MAP2K2: variants seen among roughly 807,000 people sequenced by gnomAD.
MAP2K2 encodes dual specificity mitogen-activated protein kinase kinase 2.
Under a neutral mutation model 43.7 loss-of-function variants are expected in MAP2K2, and 24 were observed. The ratio of observed to expected loss-of-function variants is 0.55; its 90% confidence interval spans 0.40 to 0.77. MAP2K2 has a LOEUF of 0.77. Ranked by LOEUF, MAP2K2 falls within the 30% of genes least tolerant of loss-of-function variation. The pLI is 0.00. For missense variants in MAP2K2, 470 were observed against 566.8 expected, an observed-to-expected ratio of 0.83 and a Z score of 1.73; for synonymous variants, 244 against 239.7, an observed-to-expected ratio of 1.02 and a Z score of -0.17.
chr19:4,102,970 T>C (rs2041036570), intron 3 of MAP2K2: 2 of 1,102,372 alleles, frequency 1.8e-6, no homozygotes, highest in Non-Finnish European at 1.1e-6. Flanking sequence ...GGCGGGTCGC[T>C]GTGTGCCCGT....
rs2145077156 is a variant in MAP2K2, at chr19:4,115,562, C to G, written c.303+1857G>C. 6.6e-6 allele frequency among the ~76,000 whole-genome samples: 1 copy of G among 152,308 alleles called. No individual in the cohort carries two copies. Among genetic ancestry groups the G allele is most frequent in the African/African-American group, 2.4e-5 (1 of 41,558 alleles). ...CGGACCTGAGCTTTCCAAGGCTGCT[C>G]CGGTTTGGAAGAGGCTGCCTGCAGT... On this transcript the variant is annotated intron_variant, in intron 2 of 10. Coordinates refer to ENST00000262948, the MANE Select transcript of MAP2K2 (RefSeq NM_030662.4). The surrounding 1 kb of genome is among the most constrained non-coding windows in gnomAD (Gnocchi z 4.1).
intron 2 of MAP2K2, among the ~76,000 whole-genome samples, chr19:4,111,322 T>G (rs2041151383): frequency 6.6e-6 from 1 of 152,166 alleles, no homozygotes; most frequent in Non-Finnish European, 1.5e-5. Context: ...AAAAGACCAA[T>G]TAAGCAAACA....
At chr19:4,100,666 A>G in intron 6 of MAP2K2, 1 of 328,424 alleles carries the variant, frequency 3.0e-6, no homozygotes, top group South Asian at 3.5e-5. Flanking sequence ...AGATTAGTAA[A>G]TTAACAAATA....
intron 3 of MAP2K2, among the ~76,000 whole-genome samples, chr19:4,108,820 C>T (rs1339634620): frequency 2.0e-5 from 3 of 151,910 alleles, no homozygotes; most frequent in African/African-American, 4.8e-5. Context: ...CTGCCGGGCG[C>T]GAGGAGGAGG....
chr19:4,094,754 C>A (rs190092230), intron 9 of MAP2K2: 2 of 547,218 alleles, frequency 3.7e-6, no homozygotes, highest in Middle Eastern at 5.0e-4. Flanking sequence ...GGAAACCCCG[C>A]CTGGTGGGTC....
chr19:4,113,788 AAG>A lies in MAP2K2; in HGVS notation c.304-3135_304-3134del, dbSNP rs2041185540. On this transcript the variant is annotated intron_variant, in intron 2 of 10. Transcript: ENST00000262948. ...GGGGTTGGGGGATTCGGAGTAGGAA[AAG>A]AGAGGAAAGAGCTTCACTGAGTGTC... Among the ~76,000 whole-genome samples the A allele has an allele frequency of 2.0e-5, 3 of 152,242 alleles. No homozygotes were observed. In the South Asian group the frequency reaches 6.2e-4, roughly 32 times the overall value.
chr19:4,101,430 G>A lies in MAP2K2; in HGVS notation c.529-150C>T. On this transcript the variant is annotated intron_variant, in intron 4 of 10. Transcript: ENST00000262948. This position sits in a 1 kb window ranked among gnomAD's most constrained non-coding sequence, Gnocchi z 6.3. ...GCTGTGAGGAGCTCGCTGGGGTGGA[G>A]CAAGCGAGGCCAGAGACGAGACAGT... is the stretch of plus-strand genomic sequence containing the variant. 2.4e-6 allele frequency: 2 copies of A among 846,270 alleles called. No homozygotes were observed. The highest frequency in any genetic ancestry group is 3.3e-5 in the African/African-American group (2 of 59,822). The allele number at this position is 846,270 out of a possible 1,614,324, so 52.4% of individuals were successfully genotyped here.
At chr19:4,092,466 G>A (rs983483009) in intron 10 of MAP2K2, among the ~76,000 whole-genome samples, 11 of 152,082 alleles carry the variant, frequency 7.2e-5, no homozygotes, top group Admixed American at 6.5e-4. Context: ...GCACGAGCCT[G>A]TAATCCCAGC....
chr19:4,098,833 C>T (rs1376086739), intron 7 of MAP2K2, among the ~76,000 whole-genome samples: 2 of 152,278 alleles, frequency 1.3e-5, no homozygotes, highest in African/African-American at 4.8e-5. Flanking sequence ...GAGCGTGTCA[C>T]CTGCAGAATG....
chr19:4,108,503 C>T (rs1164173608), intron 3 of MAP2K2, among the ~76,000 whole-genome samples: 2 of 151,836 alleles, frequency 1.3e-5, no homozygotes, highest in Non-Finnish European at 2.9e-5. Flanking sequence ...TCGCCTCGGC[C>T]TCCCAAAGTG....
intron 3 of MAP2K2, among the ~76,000 whole-genome samples, chr19:4,105,170 GTGTGTGTGTGT>G (rs1179376962): frequency 6.8e-6 from 1 of 146,698 alleles, no homozygotes; most frequent in Non-Finnish European, 1.5e-5. Context: ...GTGTGTGTGT[GTGTGTGTGTGT>G]GTGTGTGTGT....
chr19:4,116,424 G>A (rs2041221631), intron 2 of MAP2K2, among the ~76,000 whole-genome samples: 1 of 152,132 alleles, frequency 6.6e-6, no homozygotes, highest in South Asian at 2.1e-4. Flanking sequence ...CAGCTACTCG[G>A]GAGGCTGAGG....
At position 4,096,435 on chromosome 19, in the gene MAP2K2, G is replaced by A. The variant is rs372362138; in HGVS notation, c.984+844C>T. Among the ~76,000 whole-genome samples the A allele has an allele frequency of 3.9e-5, 6 of 152,334 alleles. No homozygotes were observed. The East Asian group carries it at 7.7e-4, about 20-fold the overall frequency. On this transcript the variant is annotated intron_variant, in intron 8 of 10. Transcript: ENST00000262948. ...CACAGAAGGCCCAGGGAGGTGGCCC[G>A]GCCTGGTCACGTGGCCAACAGGACC... is the stretch of plus-strand genomic sequence containing the variant.
At chr19:4,108,223 C>T (rs187916149) in intron 3 of MAP2K2, among the ~76,000 whole-genome samples, 57 of 152,256 alleles carry the variant, frequency 3.7e-4, no homozygotes, top group African/African-American at 1.3e-3. Context: ...TAAAAATCAA[C>T]GTGCTCCACG....
At chr19:4,113,349 C>T (rs971954769) in intron 2 of MAP2K2, among the ~76,000 whole-genome samples, 1 of 152,102 alleles carries the variant, frequency 6.6e-6, no homozygotes, top group Non-Finnish European at 1.5e-5. Flanking sequence ...TGGGGCCTGT[C>T]GAGCGAGCAT....
intron 8 of MAP2K2, among the ~76,000 whole-genome samples, chr19:4,096,181 C>G (rs1368105894): frequency 1.3e-5 from 2 of 152,184 alleles, no homozygotes; most frequent in Non-Finnish European, 2.9e-5. Flanking sequence ...AGGGGCAGGC[C>G]TTTCCCGCGC....
At chr19:4,093,144 G>C (rs1251960726) in intron 10 of MAP2K2, among the ~76,000 whole-genome samples, 1 of 152,146 alleles carries the variant, frequency 6.6e-6, no homozygotes, top group African/African-American at 2.4e-5. Flanking sequence ...CCTGAACCTG[G>C]GAGGCGGAGG....
At chr19:4,111,989 A>G (rs2041159945) in intron 2 of MAP2K2, among the ~76,000 whole-genome samples, 1 of 151,262 alleles carries the variant, frequency 6.6e-6, no homozygotes, top group African/African-American at 2.5e-5. Flanking sequence ...AACAACAACA[A>G]CAACAACAAA....
At chr19:4,116,753 C>A (rs1206756945) in intron 2 of MAP2K2, among the ~76,000 whole-genome samples, 1 of 151,746 alleles carries the variant, frequency 6.6e-6, no homozygotes, top group African/African-American at 2.4e-5. Flanking sequence ...CATGGCGAAA[C>A]CCTGCCTCTA....
Sources: gnomAD v4.1 joint callset for allele counts (sites outside exome capture counted in the v4.1 genomes callset) on GRCh38, gnomAD v4.1.1 for gene constraint, Gnocchi (gnomAD v3.1) non-coding constraint, MANE v1.5 for transcripts, NCBI Gene and HGNC (gene_info 2026-07-23, HGNC 2026-07-21) for gene names.